The following DNAJC11 variants were observed in gnomAD, a reference collection of about 807,000 sequenced individuals.
DNAJC11 encodes DnaJ heat shock protein family (Hsp40) member C11, also known as dnaJ homolog subfamily C member 11.
DNAJC11 carries 15 observed loss-of-function variants against 78.6 expected under a neutral mutation model. That is an observed-to-expected ratio of 0.19 (90% CI 0.13 to 0.29). The LOEUF (loss-of-function observed/expected upper bound fraction) is 0.29. Ranked by LOEUF, DNAJC11 falls within the 10% of genes least tolerant of loss-of-function variation. The pLI is 1.00. For missense variants in DNAJC11, 547 were observed against 709.6 expected (o/e 0.77, Z 2.60); for synonymous variants, 292 against 272.1 (o/e 1.07, Z -0.72).
At chr1:6,695,657 A>AAAAAAC in intron 1 of DNAJC11, among the ~76,000 whole-genome samples, 1 of 138,820 alleles carries the variant, frequency 7.2e-6, no homozygotes, top group Non-Finnish European at 1.6e-5. Context: ...AAAAAAAAAA[A>AAAAAAC]ATTAGCCGGG....
intron 3 of DNAJC11, among the ~76,000 whole-genome samples, chr1:6,669,562 A>G (rs968431550): frequency 2.0e-5 from 3 of 150,274 alleles, no homozygotes; most frequent in Admixed American, 2.0e-4. Flanking sequence ...AAAGAAAAGA[A>G]AAGAAAAGAA....
chr1:6,667,928 C>A, intron 3 of DNAJC11, 118 bp from the exon 4 acceptor site: 1 of 919,176 alleles, frequency 1.1e-6, no homozygotes, highest in Non-Finnish European at 1.7e-6. Context: ...CCGGCCACAG[C>A]CTTTCCTCAG....
intron 1 of DNAJC11, among the ~76,000 whole-genome samples, chr1:6,687,717 C>G (rs866663886): frequency 6.6e-6 from 1 of 152,122 alleles, no homozygotes; most frequent in Non-Finnish European, 1.5e-5. Context: ...CTCAACGCCC[C>G]CCTTCTCTCA....
rs1388756048 is a variant in DNAJC11 at position 6,634,440 on chromosome 1, A to C, written c.*1235T>G. 3.1e-6 allele frequency: 4 copies of C among 1,275,266 alleles called. No homozygotes were observed. The highest frequency in any genetic ancestry group is 4.1e-6 in the Non-Finnish European group (4 of 975,740). 79.0% of individuals were successfully genotyped at this position (1,275,266 alleles called of 1,614,324 possible). On this transcript the variant is annotated 3_prime_UTR_variant, in exon 16 of 16. Transcript: ENST00000377577. ...GGTTCTTAGCCGTTACTCAGATACC[A>C]GTGCTGGGGAGGGAGGCCTGACTTC...
At chr1:6,647,154 T>C (rs1388685896) in intron 7 of DNAJC11, among the ~76,000 whole-genome samples, 1 of 145,386 alleles carries the variant, frequency 6.9e-6, no homozygotes, top group Non-Finnish European at 1.5e-5. Context: ...TCTTCTCAGC[T>C]CACTGCAACC....
chr1:6,685,230 T>C lies in DNAJC11; in HGVS notation c.73-4193A>G, dbSNP rs766548729. Among the ~76,000 whole-genome samples the C allele has an allele frequency of 1.3e-4, 20 of 152,370 alleles. No individual in the cohort carries two copies. In the Middle Eastern group the frequency reaches 0.02, roughly 155 times the overall value. ...ACGATTGCATTTGGTTAGGCTAGGC[T>C]AGATCAGTGGTTCTCAAAGTGTGGT... On this transcript the variant is annotated intron_variant, in intron 1 of 15. Coordinates refer to ENST00000377577, the MANE Select transcript of DNAJC11 (RefSeq NM_018198.4).
chr1:6,634,930 C>G lies in DNAJC11; in HGVS notation c.*745G>C. 8.8e-7 allele frequency: 1 copy of G among 1,133,718 alleles called. No homozygotes were observed. 70.2% of individuals were successfully genotyped at this position (1,133,718 alleles called of 1,614,324 possible). ...GTGGGTGGTGCAGGCGGTGGAGGGA[C>G]ACAGGCCAGCTCAAGCCCGCTGGTG... On this transcript the variant is annotated 3_prime_UTR_variant, in exon 16 of 16. Coordinates refer to ENST00000377577, the MANE Select transcript of DNAJC11 (RefSeq NM_018198.4).
At position 6,645,097 on chromosome 1, in the gene DNAJC11, G is replaced by T; in HGVS notation, c.924C>A (p.Ile308=). ...QLGIPHSFAL[I]SYQHKFQDDD... is the part of the protein sequence containing the mutation. ...CATCTTGGAATTTGTGCTGATAGCT[G>T]ATCAGTGCAAAGGAGTGAGGGATTC... Residue 308 remains isoleucine (I), a synonymous_variant, in exon 9 of 16, where the codon ATC becomes ATA. Coordinates refer to ENST00000377577, the MANE Select transcript of DNAJC11 (RefSeq NM_018198.4). This position sits in a 1 kb window ranked among gnomAD's most constrained non-coding sequence, Gnocchi z 4.1. The T allele has an allele frequency of 1.2e-6, 2 of 1,613,968 alleles. No homozygotes were observed. The highest frequency in any genetic ancestry group is 2.2e-5 in the South Asian group (2 of 91,032).
chr1:6,666,132 C>T (rs1238663395), intron 4 of DNAJC11, among the ~76,000 whole-genome samples: 1 of 151,320 alleles, frequency 6.6e-6, no homozygotes, highest in Non-Finnish European at 1.5e-5. Flanking sequence ...ACACTTTTTT[C>T]CCAAGAGAAT....
intron 3 of DNAJC11, among the ~76,000 whole-genome samples, chr1:6,674,634 T>G (rs1570299261): frequency 6.6e-6 from 1 of 151,040 alleles, no homozygotes. Context: ...GAGGCTGAGG[T>G]GGGAGGATGG....
chr1:6,651,664 C>T, intron 6 of DNAJC11, 62 bp from the exon 7 acceptor site: 2 of 1,296,358 alleles, frequency 1.5e-6, no homozygotes, highest in Non-Finnish European at 2.2e-6. Context: ...GCAACCCAGG[C>T]TCAGGTATGT....
chr1:6,641,917 G>A (rs1435261273), intron 10 of DNAJC11, among the ~76,000 whole-genome samples: 9 of 152,088 alleles, frequency 5.9e-5, no homozygotes, highest in Non-Finnish European at 1.0e-4. Flanking sequence ...AGACTGGCTC[G>A]TTGGAGATTG....
chr1:6,687,569 G>A (rs1642677026), intron 1 of DNAJC11, among the ~76,000 whole-genome samples: 3 of 152,024 alleles, frequency 2.0e-5, no homozygotes. Flanking sequence ...GTGTTAGCCA[G>A]GATGGTCTCA....
intron 4 of DNAJC11, among the ~76,000 whole-genome samples, chr1:6,662,141 T>A (rs112139443): frequency 1.2e-4 from 18 of 145,210 alleles, no homozygotes; most frequent in African/African-American, 4.3e-4. Context: ...TTTTGTTTTT[T>A]TTTTTTGTAG....
chr1:6,668,918 G>A (rs1008275986), intron 3 of DNAJC11, among the ~76,000 whole-genome samples: 3 of 152,164 alleles, frequency 2.0e-5, no homozygotes, highest in African/African-American at 7.2e-5. Flanking sequence ...CTGGCGCGGT[G>A]GCTCACGCCT....
chr1:6,639,717 TGAG>T (rs1214819240), intron 11 of DNAJC11, among the ~76,000 whole-genome samples, 182 bp downstream of exon 11: 13 of 152,162 alleles, frequency 8.5e-5, no homozygotes, highest in Non-Finnish European at 1.9e-4. Flanking sequence ...CTACGGACAA[TGAG>T]GAGAAATAGT....
rs576352850 is a variant in DNAJC11 at position 6,657,805 on chromosome 1, C to T, written c.379-3766G>A. 3.9e-3 allele frequency among the ~76,000 whole-genome samples: 596 copies of T among 152,076 alleles called. 3 individuals carry two copies. Among genetic ancestry groups the T allele is most frequent in the African/African-American group, 0.014 (574 of 41,488 alleles). ...GACTACAGGCGCCTGCCACCACGCC[C>T]GGCTAATTTTTTTGTATTTTTAGTA... On this transcript the variant is annotated intron_variant, in intron 4 of 15. Transcript: ENST00000377577.
At chr1:6,682,909 A>AG (rs1183728598) in intron 1 of DNAJC11, among the ~76,000 whole-genome samples, 3 of 152,058 alleles carry the variant, frequency 2.0e-5, no homozygotes, top group Admixed American at 6.5e-5. Flanking sequence ...TGGGTGACAG[A>AG]GGGGGAAAAA....
At chr1:6,688,554 C>T (rs956600508) in intron 1 of DNAJC11, among the ~76,000 whole-genome samples, 6 of 152,014 alleles carry the variant, frequency 3.9e-5, no homozygotes, top group Non-Finnish European at 5.9e-5. Flanking sequence ...CCCCACCCCC[C>T]AAAAAAACTC....
Sources: allele counts gnomAD v4.1 joint callset (sites outside exome capture counted in the v4.1 genomes callset), GRCh38; gene constraint gnomAD v4.1.1; non-coding constraint Gnocchi (gnomAD v3.1); transcripts MANE v1.5; gene names NCBI Gene and HGNC (gene_info 2026-07-23, HGNC 2026-07-21).